The following ALK variants were observed in gnomAD, a reference collection of about 807,000 sequenced individuals.
The protein encoded by ALK is ALK tyrosine kinase receptor.
ALK carries 74 observed loss-of-function variants against 163.1 expected under a neutral mutation model. That is an observed-to-expected ratio of 0.45 (90% CI 0.38 to 0.55). ALK has a LOEUF of 0.55. ALK is among the 20% of genes least tolerant of loss of function. ALK has a pLI of 0.00. For synonymous variants in ALK, 960 were observed against 843.2 expected, an observed-to-expected ratio of 1.14 and a Z score of -2.40; for missense variants, 2,063 against 2,105.3, an observed-to-expected ratio of 0.98 and a Z score of 0.39.
intron 4 of ALK, among the ~76,000 whole-genome samples, chr2:29,505,459 C>A (rs1391332810): frequency 6.6e-6 from 1 of 152,172 alleles, no homozygotes; most frequent in Non-Finnish European, 1.5e-5. Flanking sequence ...AGGTGGAAGT[C>A]GTACTAGATG....
intron 4 of ALK, among the ~76,000 whole-genome samples, chr2:29,462,329 C>T (rs1337536985): frequency 6.6e-6 from 1 of 152,104 alleles, no homozygotes; most frequent in East Asian, 1.9e-4. Flanking sequence ...GGGTAAAACG[C>T]TATCAAACAA....
intron 11 of ALK, among the ~76,000 whole-genome samples, chr2:29,256,401 C>T (rs1380520416): frequency 6.6e-6 from 1 of 152,128 alleles, no homozygotes; most frequent in Non-Finnish European, 1.5e-5. Context: ...GTTATGCTTG[C>T]TGCAACTTTG....
intron 2 of ALK, among the ~76,000 whole-genome samples, chr2:29,703,548 C>T (rs893076968): frequency 6.6e-6 from 1 of 152,180 alleles, no homozygotes; most frequent in Admixed American, 6.5e-5. Flanking sequence ...GATGATGAGG[C>T]ATGTGCTTAG....
At chr2:29,846,509 T>A (rs1431422972) in intron 1 of ALK, among the ~76,000 whole-genome samples, 2 of 152,248 alleles carry the variant, frequency 1.3e-5, no homozygotes, top group African/African-American at 4.8e-5. Flanking sequence ...GCAGCAGGCA[T>A]GTAAACATTT....
chr2:29,258,770 T>C (rs1409339762), intron 11 of ALK, among the ~76,000 whole-genome samples: 1 of 152,224 alleles, frequency 6.6e-6, no homozygotes, highest in Non-Finnish European at 1.5e-5. Context: ...TGCTATATGA[T>C]ATGACAAAAT....
chr2:29,497,647 C>T (rs1035362653), intron 4 of ALK, among the ~76,000 whole-genome samples: 7 of 152,254 alleles, frequency 4.6e-5, no homozygotes, highest in South Asian at 2.1e-4. Context: ...TGTGTCCAGG[C>T]GCTGCATTCC....
chr2:29,231,395 G>GA (rs1204983070), intron 15 of ALK, among the ~76,000 whole-genome samples: 6 of 151,768 alleles, frequency 4.0e-5, no homozygotes, highest in Middle Eastern at 6.8e-3. Context: ...GCCCTGTTGA[G>GA]AAAAAAAAAG....
intron 1 of ALK, among the ~76,000 whole-genome samples, chr2:29,884,973 T>C (rs964054613): frequency 6.6e-6 from 1 of 152,186 alleles, no homozygotes; most frequent in African/African-American, 2.4e-5. Context: ...AACTCTACCA[T>C]TTTGTGCAAA....
At chr2:29,439,417 T>C (rs1177965127) in intron 4 of ALK, among the ~76,000 whole-genome samples, 1 of 152,138 alleles carries the variant, frequency 6.6e-6, no homozygotes, top group Admixed American at 6.5e-5. Context: ...TATAAAACCA[T>C]ACTGTTTAAA....
intron 3 of ALK, among the ~76,000 whole-genome samples, chr2:29,593,533 A>T (rs1675120804): frequency 6.6e-6 from 1 of 152,234 alleles, no homozygotes; most frequent in Non-Finnish European, 1.5e-5. Flanking sequence ...GACCTACAGG[A>T]GGTCCCCAAC....
At chr2:29,651,327 A>G (rs1677029459) in intron 3 of ALK, among the ~76,000 whole-genome samples, 1 of 152,184 alleles carries the variant, frequency 6.6e-6, no homozygotes, top group Non-Finnish European at 1.5e-5. Context: ...GTTAAGTAAG[A>G]GAACCATAAA....
At chr2:29,204,881 G>A (rs945183470) in intron 26 of ALK, among the ~76,000 whole-genome samples, 3 of 152,204 alleles carry the variant, frequency 2.0e-5, no homozygotes, top group Non-Finnish European at 2.9e-5. Flanking sequence ...GAGCTACTGT[G>A]CTTGGCCCCT....
intron 1 of ALK, among the ~76,000 whole-genome samples, chr2:29,768,993 C>T (rs1680941925): frequency 6.6e-6 from 1 of 151,954 alleles, no homozygotes; most frequent in South Asian, 2.1e-4. Flanking sequence ...ACCACCATGC[C>T]CAGCTAATTT....
intron 4 of ALK, among the ~76,000 whole-genome samples, chr2:29,479,089 C>G (rs1194987364): frequency 2.6e-5 from 4 of 152,138 alleles, no homozygotes; most frequent in Non-Finnish European, 4.4e-5. Flanking sequence ...GACTGGGCAG[C>G]CTGATCATCT....
At chr2:29,825,573 G>A (rs572267457) in intron 1 of ALK, among the ~76,000 whole-genome samples, 1 of 152,338 alleles carries the variant, frequency 6.6e-6, no homozygotes, top group East Asian at 1.9e-4. Flanking sequence ...CTGGAGAGTA[G>A]GTTGGAGGCA....
At chr2:29,376,183 T>C (rs944784323) in intron 5 of ALK, among the ~76,000 whole-genome samples, 3 of 151,424 alleles carry the variant, frequency 2.0e-5, no homozygotes, top group African/African-American at 7.3e-5. Flanking sequence ...GTAAAACCAA[T>C]ATATACTCTT....
chr2:29,912,942 A>G (rs1485370266), intron 1 of ALK, among the ~76,000 whole-genome samples: 2 of 152,182 alleles, frequency 1.3e-5, no homozygotes, highest in African/African-American at 4.8e-5. Context: ...TCAAAGAAAA[A>G]TATAACCAAT....
chr2:29,568,972 G>C (rs773028485), intron 3 of ALK, among the ~76,000 whole-genome samples: 2 of 151,772 alleles, frequency 1.3e-5, no homozygotes, highest in Non-Finnish European at 2.9e-5. Context: ...CCTTGGGTGG[G>C]ACAGGGCGGG....
intron 3 of ALK, among the ~76,000 whole-genome samples, chr2:29,691,470 C>T (rs913103672): frequency 2.0e-5 from 3 of 152,156 alleles, no homozygotes; most frequent in Non-Finnish European, 4.4e-5. Flanking sequence ...TAACTACTAC[C>T]TGATGCTAAC....
Sources: gnomAD v4.1 joint callset for allele counts (sites outside exome capture counted in the v4.1 genomes callset) on GRCh38, gnomAD v4.1.1 for gene constraint, MANE v1.5 for transcripts, NCBI Gene and HGNC (gene_info 2026-07-23, HGNC 2026-07-21) for gene names.